The following RSRP1 variants were observed in gnomAD, a reference collection of about 807,000 sequenced individuals.
RSRP1 encodes the protein arginine/serine-rich protein 1.
Under a neutral mutation model 33.0 loss-of-function variants are expected in RSRP1, and 37 were observed. The ratio of observed to expected loss-of-function variants is 1.12; its 90% confidence interval spans 0.86 to 1.48. RSRP1 has a LOEUF of 1.48. Among genes scored for constraint, RSRP1 ranks in the 40% most tolerant of loss-of-function variants. The pLI is 0.00. For missense variants in RSRP1, 402 were observed against 385.3 expected (o/e 1.04, Z -0.36); for synonymous variants, 167 against 158.7 (o/e 1.05, Z -0.40).
In RSRP1 at chr1:25,246,512, TGC is replaced by T. The variant is rs1557486641; in HGVS notation, c.450_451del (p.His151GlnfsTer21). 1 of 1,614,252 alleles carries T rather than the reference TGC, an allele frequency of 6.2e-7. No individual in the cohort carries two copies. The highest frequency in any genetic ancestry group is 1.7e-5 in the Admixed American group (1 of 60,036). On this transcript the variant is annotated frameshift_variant, in exon 2 of 5. Transcript: ENST00000243189. LOFTEE classifies it high-confidence loss of function. The stretch of plus-strand genomic sequence containing the variant: ...CCTGGATCTGTCCCTCCATCTGCTG[TGC>T]TCCTCCGGGTACACTGTGCGACCAA...
At chr1:25,288,274 C>A (rs1642215346) in intron 1 of RSRP1, among the ~76,000 whole-genome samples, 1 of 130,222 alleles carries the variant, frequency 7.7e-6, no homozygotes, top group Admixed American at 7.5e-5. Context: ...CACCTCGGCT[C>A]TGAAAAGTAC....
At chr1:25,300,145 G>T (rs1301171380) in intron 1 of RSRP1, among the ~76,000 whole-genome samples, 3 of 131,352 alleles carry the variant, frequency 2.3e-5, no homozygotes, top group African/African-American at 5.2e-5. Flanking sequence ...TTAAAATTCC[G>T]CTGAGAAGTA....
At chr1:25,318,920 A>G (rs1428651015) in intron 1 of RSRP1, among the ~76,000 whole-genome samples, 3 of 132,368 alleles carry the variant, frequency 2.3e-5, no homozygotes, top group African/African-American at 7.7e-5. Context: ...TTAATATACC[A>G]TGTCTGGCCT....
At chr1:25,277,770 G>A (rs1351058936) in intron 1 of RSRP1, among the ~76,000 whole-genome samples, 1 of 121,044 alleles carries the variant, frequency 8.3e-6, no homozygotes, top group African/African-American at 2.8e-5. Flanking sequence ...CACCTCCCAG[G>A]TTCAAGTAAT....
In RSRP1 at chr1:25,322,029, A is replaced by G. The variant is rs1159040727; in HGVS notation, c.-67+15949T>C. 2.4e-5 allele frequency: 20 copies of G among 848,474 alleles called. 2 individuals are homozygous for G. The highest frequency in any genetic ancestry group is 3.8e-5 in the Non-Finnish European group (19 of 504,080). The allele number at this position is 848,474 out of a possible 1,614,324, so 52.6% of individuals were successfully genotyped here. On this transcript the variant is annotated intron_variant, in intron 1 of 1. Transcript: ENST00000561867. ...TGAACTTAAAAACATACCTGAGTAT[A>G]TATGTTGACTTGCTGTTTATGAGTA...
intron 1 of RSRP1, among the ~76,000 whole-genome samples, chr1:25,315,058 G>A (rs1644365049): frequency 7.8e-6 from 1 of 128,528 alleles, no homozygotes; most frequent in Non-Finnish European, 1.8e-5. Context: ...CAAAAAATTA[G>A]CTGGGCGTTG....
chr1:25,305,310 G>A (rs144310500), intron 1 of RSRP1, among the ~76,000 whole-genome samples: 2 of 132,216 alleles, frequency 1.5e-5, no homozygotes, highest in African/African-American at 5.2e-5. Flanking sequence ...GAGCATGGTG[G>A]ACCCAGATCC....
intron 2 of RSRP1, among the ~76,000 whole-genome samples, chr1:25,245,728 G>A (rs559698461): frequency 2.0e-5 from 3 of 152,166 alleles, no homozygotes; most frequent in South Asian, 2.1e-4. Context: ...AGGCCTGAGC[G>A]TCCTATTATT....
chr1:25,303,442 G>T (rs1355698683), intron 1 of RSRP1: 2 of 1,378,940 alleles, frequency 1.5e-6, no homozygotes, highest in Non-Finnish European at 2.0e-6. Context: ...CTCCGTCGGG[G>T]GAGCCAAGTA....
At chr1:25,261,557 A>G (rs1467073336) in intron 1 of RSRP1, among the ~76,000 whole-genome samples, 2 of 151,646 alleles carry the variant, frequency 1.3e-5, no homozygotes, top group East Asian at 1.9e-4. Context: ...GGCGCCCGCC[A>G]CCCTGCCCAG....
At chr1:25,316,465 C>T (rs1644442539) in intron 1 of RSRP1, among the ~76,000 whole-genome samples, 1 of 123,982 alleles carries the variant, frequency 8.1e-6, no homozygotes, top group African/African-American at 2.8e-5. Context: ...ATTAATAATA[C>T]AAAAATTATC....
At chr1:25,316,412 G>C (rs1644439141) in intron 1 of RSRP1, among the ~76,000 whole-genome samples, 1 of 128,878 alleles carries the variant, frequency 7.8e-6, no homozygotes, top group South Asian at 2.4e-4. Context: ...TTGAGGTCAG[G>C]AGTTCGAGAT....
intron 1 of RSRP1, among the ~76,000 whole-genome samples, chr1:25,261,113 A>G (rs1193283800): frequency 6.6e-6 from 1 of 151,946 alleles, no homozygotes; most frequent in Non-Finnish European, 1.5e-5. Flanking sequence ...TTCTCTTCTT[A>G]TAAGGACACC....
intron 1 of RSRP1, among the ~76,000 whole-genome samples, chr1:25,254,202 G>A (rs1002938018): frequency 4.6e-5 from 7 of 152,186 alleles, no homozygotes; most frequent in Admixed American, 1.3e-4. Context: ...GAGCCTTGGT[G>A]TAAGTCAGCT....
At chr1:25,302,197 A>G (rs1643439581) in intron 1 of RSRP1, among the ~76,000 whole-genome samples, 1 of 131,394 alleles carries the variant, frequency 7.6e-6, no homozygotes, top group African/African-American at 2.6e-5. Flanking sequence ...AAAGTGCTTA[A>G]CGGGGAGTAA....
chr1:25,280,053 G>A (rs537071757), intron 1 of RSRP1, among the ~76,000 whole-genome samples: 1 of 129,774 alleles, frequency 7.7e-6, no homozygotes, highest in South Asian at 2.3e-4. Flanking sequence ...GGATGAGGGG[G>A]CAGGGGGAGG....
chr1:25,296,658 G>A (rs1265308733), intron 1 of RSRP1, among the ~76,000 whole-genome samples: 2 of 131,268 alleles, frequency 1.5e-5, no homozygotes, highest in Non-Finnish European at 3.6e-5. Flanking sequence ...GATCACAGGG[G>A]TGGTTTCCCC....
In RSRP1 at chr1:25,285,873, C is replaced by G. The variant is rs1641942033; in HGVS notation, c.-66-38844G>C. ...AGGGACCTCTCAAGGCCATTCCAGC[C>G]TCCCCTTCTAAGACCCTGCTAAACC... is the stretch of plus-strand genomic sequence containing the variant. On this transcript the variant is annotated intron_variant, in intron 1 of 1. Transcript: ENST00000561867. Among the ~76,000 whole-genome samples, 4 of 134,756 alleles carry G rather than the reference C, an allele frequency of 3.0e-5. No homozygotes were observed. The South Asian group carries it at 6.6e-4, about 22-fold the overall frequency. The allele number at this position is 134,756 out of a possible 152,430, so 88.4% of individuals were successfully genotyped here.
chr1:25,291,727 G>A (rs1163117461), intron 1 of RSRP1, among the ~76,000 whole-genome samples: 1 of 132,738 alleles, frequency 7.5e-6, no homozygotes, highest in African/African-American at 2.6e-5. Flanking sequence ...GTGCGTGTCA[G>A]TAACTGCATA....
Sources: gnomAD v4.1 joint callset for allele counts (sites outside exome capture counted in the v4.1 genomes callset) on GRCh38, gnomAD v4.1.1 for gene constraint, MANE v1.5 for transcripts, NCBI Gene and HGNC (gene_info 2026-07-23, HGNC 2026-07-21) for gene names.